The following CNTN4 variants were observed in gnomAD, a reference collection of about 807,000 sequenced individuals.
The protein encoded by CNTN4 is contactin 4.
In CNTN4, 77 loss-of-function variants were observed where a neutral mutation model predicts 122.5. That is an observed-to-expected ratio of 0.63 (90% CI 0.52 to 0.76). The LOEUF is 0.76. CNTN4 is among the 30% of genes least tolerant of loss of function. CNTN4 has a pLI of 0.00. For missense variants in CNTN4, 1,256 were observed against 1,259.1 expected, an observed-to-expected ratio of 1.00 and a Z score of 0.04; for synonymous variants, 512 against 447.0, an observed-to-expected ratio of 1.15 and a Z score of -1.83.
At chr3:2,488,368 G>C (rs1160139152) in intron 3 of CNTN4, among the ~76,000 whole-genome samples, 1 of 152,122 alleles carries the variant, frequency 6.6e-6, no homozygotes, top group Non-Finnish European at 1.5e-5. Flanking sequence ...GTTGTCTCTG[G>C]GTACTCCAGT....
chr3:2,661,417 A>G (rs771037792), intron 4 of CNTN4, among the ~76,000 whole-genome samples: 12 of 152,114 alleles, frequency 7.9e-5, no homozygotes, highest in Non-Finnish European at 1.5e-4. Context: ...ATATTAGTCA[A>G]GATCAGCTTT....
chr3:2,952,913 A>G (rs1467951545), intron 13 of CNTN4, among the ~76,000 whole-genome samples: 1 of 152,230 alleles, frequency 6.6e-6, no homozygotes, highest in Non-Finnish European at 1.5e-5. Flanking sequence ...AATATGTGCT[A>G]GGTATTTTAC....
At chr3:2,585,718 TAGGAGA>T (rs2080168193) in intron 4 of CNTN4, among the ~76,000 whole-genome samples, 1 of 149,878 alleles carries the variant, frequency 6.7e-6, no homozygotes, top group African/African-American at 2.4e-5. Context: ...GGGATAGCAT[TAGGAGA>T]TACACCTAAT....
At chr3:2,269,435 A>G (rs906514727) in intron 2 of CNTN4, among the ~76,000 whole-genome samples, 3 of 152,152 alleles carry the variant, frequency 2.0e-5, no homozygotes, top group African/African-American at 7.2e-5. Context: ...AGCCTAAGAC[A>G]TGCTGGGTGC....
At chr3:2,291,649 G>A (rs1014833494) in intron 2 of CNTN4, among the ~76,000 whole-genome samples, 22 of 150,770 alleles carry the variant, frequency 1.5e-4, no homozygotes, top group African/African-American at 5.4e-4. Context: ...TAAAGTATTT[G>A]GGGATCCCTA....
chr3:2,987,352 A>G (rs937679923), intron 13 of CNTN4, among the ~76,000 whole-genome samples: 2 of 152,184 alleles, frequency 1.3e-5, no homozygotes, highest in Admixed American at 6.5e-5. Context: ...AAGCCAGGAG[A>G]GTGATATAAT....
At chr3:2,799,526 A>C (rs906576500) in intron 6 of CNTN4, among the ~76,000 whole-genome samples, 1 of 151,826 alleles carries the variant, frequency 6.6e-6, no homozygotes, top group African/African-American at 2.4e-5. Context: ...GCAGTGGCAC[A>C]ATCTCGGGTC....
chr3:2,466,284 T>C (rs2075493300), intron 3 of CNTN4, among the ~76,000 whole-genome samples: 2 of 152,232 alleles, frequency 1.3e-5, no homozygotes, highest in Admixed American at 1.3e-4. Flanking sequence ...TAATATATCC[T>C]GCACGTTCTC....
intron 13 of CNTN4, among the ~76,000 whole-genome samples, chr3:2,931,522 C>T (rs1348151226): frequency 6.6e-6 from 1 of 152,184 alleles, no homozygotes; most frequent in Non-Finnish European, 1.5e-5. Context: ...ACACTTTTCC[C>T]AGTAACATAC....
intron 6 of CNTN4, among the ~76,000 whole-genome samples, chr3:2,818,550 T>C (rs1183745373): frequency 6.6e-6 from 1 of 152,142 alleles, no homozygotes; most frequent in Non-Finnish European, 1.5e-5. Context: ...TCAAATGTAA[T>C]AGACAACAAA....
At chr3:2,820,013 C>G (rs1420956332) in intron 7 of CNTN4, among the ~76,000 whole-genome samples, 1 of 152,162 alleles carries the variant, frequency 6.6e-6, no homozygotes, top group Non-Finnish European at 1.5e-5. Context: ...ACACTAACAA[C>G]CAAGTCTCCA....
At chr3:2,269,973 C>T (rs113442227) in intron 2 of CNTN4, among the ~76,000 whole-genome samples, 18,337 of 50,216 alleles carry the variant, frequency 0.37, 6,746 homozygotes, top group Non-Finnish European at 0.55. Flanking sequence ...GACGGAGTCT[C>T]GCTCTGTCGC....
intron 2 of CNTN4, among the ~76,000 whole-genome samples, chr3:2,293,262 C>T (rs542735924): frequency 1.1e-4 from 16 of 152,250 alleles, no homozygotes; most frequent in South Asian, 4.1e-4. Context: ...CATGGAAAAA[C>T]GGGAATATTA....
chr3:3,047,332 C>T (rs1485239630), intron 23 of CNTN4, among the ~76,000 whole-genome samples: 1 of 152,222 alleles, frequency 6.6e-6, no homozygotes, highest in Non-Finnish European at 1.5e-5. Context: ...ACATTCTTCT[C>T]AGCACCACAT....
intron 6 of CNTN4, among the ~76,000 whole-genome samples, chr3:2,757,267 C>T (rs6810122): frequency 0.63 from 95,687 of 151,912 alleles, 33,131 homozygotes; most frequent in Non-Finnish European, 0.77. Flanking sequence ...ATGTTTTTAC[C>T]TCTCACTTGG....
At chr3:2,995,214 G>A (rs1210337736) in intron 14 of CNTN4, among the ~76,000 whole-genome samples, 1 of 152,036 alleles carries the variant, frequency 6.6e-6, no homozygotes, top group Non-Finnish European at 1.5e-5. Flanking sequence ...AAGAAGGGTA[G>A]GTAATTGTGC....
At chr3:2,236,443 A>G (rs2149577751) in intron 2 of CNTN4, among the ~76,000 whole-genome samples, 1 of 152,366 alleles carries the variant, frequency 6.6e-6, no homozygotes, top group Non-Finnish European at 1.5e-5. Context: ...AAAGCCCTAT[A>G]AAGTGAAACT....
chr3:2,993,693 G>T (rs1389457191), intron 14 of CNTN4, among the ~76,000 whole-genome samples: 1 of 151,974 alleles, frequency 6.6e-6, no homozygotes, highest in Non-Finnish European at 1.5e-5. Context: ...TCACAGAAAA[G>T]AAAAATACTT....
At chr3:2,477,636 A>T (rs1425420244) in intron 3 of CNTN4, among the ~76,000 whole-genome samples, 1 of 152,216 alleles carries the variant, frequency 6.6e-6, no homozygotes, top group African/African-American at 2.4e-5. Context: ...TATTCACAGA[A>T]TATAGTTCTT....
Sources: gnomAD v4.1 joint callset for allele counts (sites outside exome capture counted in the v4.1 genomes callset) on GRCh38, gnomAD v4.1.1 for gene constraint, MANE v1.5 for transcripts, NCBI Gene and HGNC (gene_info 2026-07-23, HGNC 2026-07-21) for gene names.